WDR88: variants seen among roughly 807,000 people sequenced by gnomAD.
WDR88 encodes the protein WD repeat domain 88, also known as WD repeat-containing protein 88.
WDR88 carries 40 observed loss-of-function variants against 46.8 expected under a neutral mutation model. The observed-to-expected ratio is 0.86, with a 90% CI of 0.66 to 1.11. The LOEUF is 1.11. Ranked by LOEUF, WDR88 falls within the 50% of genes most tolerant of loss-of-function variation. The pLI is 0.00. For synonymous variants in WDR88, 235 were observed against 240.7 expected (o/e 0.98, Z 0.22); for missense variants, 562 against 602.4 (o/e 0.93, Z 0.70).
In WDR88 at chr19:33,174,391, C is replaced by A. The variant is rs939614121; in HGVS notation, c.1243-1005C>A. 5.8e-5 allele frequency: 82 copies of A among 1,405,740 alleles called. No individual in the cohort carries two copies. The East Asian group carries it at 1.8e-3, about 31-fold the overall frequency. 87.1% of individuals were successfully genotyped at this position (1,405,740 alleles called of 1,614,324 possible). On this transcript the variant is annotated intron_variant, in intron 10 of 10. Transcript: ENST00000355868. ...TGGGAGAGCCAGGGCAGGGGCGCGG[C>A]CACCTTGCAGGCTCTTCTCCAGGGG... is the stretch of plus-strand genomic sequence containing the variant.
chr19:33,164,220 T>C lies in WDR88; in HGVS notation c.1104T>C (p.Asp368=), dbSNP rs142169288. The change falls in exon 9 of 11, where the codon GAT becomes GAC. Residue 368 remains aspartate (D), a synonymous_variant. Coordinates refer to ENST00000355868, the MANE Select transcript of WDR88 (RefSeq NM_173479.4). The stretch of plus-strand genomic sequence containing the variant: ...AGGGCCATAATGACTGGGTGATGGA[T>C]GTTGCCATTAGCAACAACAAGAAAT... ...SLKGHNDWVM[D]VAISNNKKWI... 45 of 1,614,024 alleles carry C rather than the reference T, an allele frequency of 2.8e-5. No homozygotes were observed. Among genetic ancestry groups the C allele is most frequent in the Non-Finnish European group, 3.6e-5 (42 of 1,179,964 alleles).
chr19:33,169,959 C>G (rs1193102366), intron 9 of WDR88, among the ~76,000 whole-genome samples: 1 of 152,080 alleles, frequency 6.6e-6, no homozygotes, highest in Non-Finnish European at 1.5e-5. Flanking sequence ...CTCACCGCAA[C>G]CTCCGCCTCC....
Position 33,175,771 on chromosome 19 carries a change from T to G in WDR88, c.*199T>G. 6.8e-6 allele frequency: 4 copies of G among 592,592 alleles called. No individual in the cohort carries two copies. The highest frequency in any genetic ancestry group is 1.2e-5 in the Non-Finnish European group (4 of 335,142). The allele number at this position is 592,592 out of a possible 1,614,324, so 36.7% of individuals were successfully genotyped here. On this transcript the variant is annotated 3_prime_UTR_variant, in exon 11 of 11. Transcript: ENST00000355868. Reference sequence around the variant, plus strand: ...GGGGAGTGAACACTTTCCGTTTTCATGCAGAATAAATCTAATTCCTTTGGA... The same window carrying G: ...GGGGAGTGAACACTTTCCGTTTTCAGGCAGAATAAATCTAATTCCTTTGGA...
intron 2 of WDR88, among the ~76,000 whole-genome samples, chr19:33,140,481 T>C (rs1467122312): frequency 2.6e-5 from 4 of 152,098 alleles, no homozygotes; most frequent in Admixed American, 6.6e-5. Context: ...TATGCGGACA[T>C]GTGTGGACAA....
At chr19:33,155,563 G>A (rs1973717838) in intron 6 of WDR88, among the ~76,000 whole-genome samples, 1 of 152,132 alleles carries the variant, frequency 6.6e-6, no homozygotes, top group East Asian at 1.9e-4. Context: ...AGAAGCAGAG[G>A]AGTAAGTAAG....
At chr19:33,174,762 T>C (rs201085514) in intron 10 of WDR88, 90 of 985,212 alleles carry the variant, frequency 9.1e-5, no homozygotes, top group Non-Finnish European at 1.0e-4. Context: ...CTCACCCCCA[T>C]CCTCCCAACT....
chr19:33,163,626 C>G (rs187482161), intron 8 of WDR88, among the ~76,000 whole-genome samples: 23 of 151,828 alleles, frequency 1.5e-4, no homozygotes, highest in Non-Finnish European at 2.4e-4. Flanking sequence ...GTACAATGAG[C>G]TGCTCTGCTC....
In WDR88 at chr19:33,160,574, G is replaced by T. The variant is rs1785891982; in HGVS notation, c.1080+78G>T. On this transcript the variant is annotated intron_variant, in intron 8 of 10. Coordinates refer to ENST00000355868, the MANE Select transcript of WDR88 (RefSeq NM_173479.4). Reference sequence around the variant, plus strand: ...CCTGTGCTCAATGCTGGTTGCTGGGGACACAGCTGTGAGTGACACAGGCCT... The same window carrying T: ...CCTGTGCTCAATGCTGGTTGCTGGGTACACAGCTGTGAGTGACACAGGCCT... The T allele has an allele frequency of 6.7e-6, 10 of 1,490,610 alleles. No homozygotes were observed. In the South Asian group the frequency reaches 1.1e-4, roughly 17 times the overall value. 92.3% of individuals were successfully genotyped at this position (1,490,610 alleles called of 1,614,324 possible). A position where few individuals can be genotyped will look rare whatever the true frequency, so the allele number is the denominator to read the frequency against.
At chr19:33,133,418 C>G (rs1173292091) in intron 1 of WDR88, among the ~76,000 whole-genome samples, 1 of 151,900 alleles carries the variant, frequency 6.6e-6, no homozygotes, top group African/African-American at 2.4e-5. Context: ...CATGGTGGTG[C>G]GTGCCTGTAA....
intron 6 of WDR88, among the ~76,000 whole-genome samples, chr19:33,153,382 T>C (rs1353172600): frequency 6.6e-6 from 1 of 151,990 alleles, no homozygotes; most frequent in Admixed American, 6.6e-5. Flanking sequence ...AATTCTTTAC[T>C]CTGTATACCC....
At chr19:33,173,091 C>CAAAAAAAAAAAAAAAAAA (rs60495323) in intron 10 of WDR88, among the ~76,000 whole-genome samples, 1 of 57,278 alleles carries the variant, frequency 1.7e-5, no homozygotes, top group Non-Finnish European at 2.9e-5. Context: ...GACTCTGTCT[C>CAAAAAAAAAAAAAAAAAA]AAAAAAAAAA....
Position 33,162,379 on chromosome 19 carries a change from T to A in WDR88, c.1081-1818T>A, listed in dbSNP as rs552698937. 3.7e-3 allele frequency among the ~76,000 whole-genome samples: 546 copies of A among 148,570 alleles called. 3 individuals are homozygous for A. The highest frequency in any genetic ancestry group is 0.011 in the African/African-American group (454 of 40,324). ...CCATGCCCGGCTAATTTTTTTTTTT[T>A]AAATTTTTATTTTTTAGTAGAGATG... On this transcript the variant is annotated intron_variant, in intron 8 of 10. Transcript: ENST00000355868.
At chr19:33,165,777 C>T (rs1973943007) in intron 9 of WDR88, among the ~76,000 whole-genome samples, 1 of 151,756 alleles carries the variant, frequency 6.6e-6, no homozygotes, top group South Asian at 2.1e-4. Flanking sequence ...CCTGTAATCC[C>T]AGCTACTCGG....
chr19:33,145,616 C>G (rs1973496447), intron 3 of WDR88, among the ~76,000 whole-genome samples: 1 of 151,466 alleles, frequency 6.6e-6, no homozygotes, highest in African/African-American at 2.4e-5. Context: ...CTCATTGCAA[C>G]CTCCACCTCC....
intron 2 of WDR88, among the ~76,000 whole-genome samples, chr19:33,143,430 G>A (rs1294969173): frequency 6.6e-6 from 1 of 150,620 alleles, no homozygotes; most frequent in Non-Finnish European, 1.5e-5. Context: ...GATCGCTTGA[G>A]CCAAGGAGTT....
chr19:33,162,438 C>T (rs1259791036), intron 8 of WDR88, among the ~76,000 whole-genome samples: 1 of 151,786 alleles, frequency 6.6e-6, no homozygotes, highest in African/African-American at 2.4e-5. Flanking sequence ...TGGTCTCGAT[C>T]TCCTGACCTC....
chr19:33,135,201 C>T (rs1973237466), intron 1 of WDR88, among the ~76,000 whole-genome samples: 1 of 152,080 alleles, frequency 6.6e-6, no homozygotes, highest in African/African-American at 2.4e-5. Context: ...CTCCCCAGTT[C>T]CCCAATACCC....
At chr19:33,156,050 C>T (rs1973728133) in intron 6 of WDR88, among the ~76,000 whole-genome samples, 1 of 152,190 alleles carries the variant, frequency 6.6e-6, no homozygotes, top group African/African-American at 2.4e-5. Flanking sequence ...GGTAACATAG[C>T]GAAACACTGT....
At chr19:33,149,364 A>C (rs1051932078) in intron 5 of WDR88, among the ~76,000 whole-genome samples, 13 of 150,344 alleles carry the variant, frequency 8.6e-5, no homozygotes, top group African/African-American at 3.0e-4. Context: ...AACAAACAAA[A>C]AAACACACCA....
Sources: gnomAD v4.1 joint callset for allele counts (sites outside exome capture counted in the v4.1 genomes callset) on GRCh38, gnomAD v4.1.1 for gene constraint, MANE v1.5 for transcripts, NCBI Gene and HGNC (gene_info 2026-07-23, HGNC 2026-07-21) for gene names.